C18orf32: variants seen among roughly 807,000 people sequenced by gnomAD.
C18orf32 encodes the protein chromosome 18 open reading frame 32, also known as UPF0729 protein C18orf32.
C18orf32 carries 5 observed loss-of-function variants against 7.4 expected under a neutral mutation model. That is an observed-to-expected ratio of 0.68 (90% CI 0.35 to 1.42). The LOEUF is 1.42. C18orf32 is among the 40% of genes most tolerant of loss of function. The pLI is 0.04. For missense variants in C18orf32, 88 were observed against 92.4 expected (o/e 0.95, Z 0.19); for synonymous variants, 30 against 29.3 (o/e 1.02, Z -0.08).
At chr18:49,483,514 A>G in intron 2 of C18orf32, 70 bp downstream of exon 2, 1 of 1,484,032 alleles carries the variant, frequency 6.7e-7, no homozygotes, top group Non-Finnish European at 8.9e-7. Context: ...TTGTCCTTCC[A>G]AAATCTAGTG....
At chr18:49,484,175 C>T (rs1379952021) in intron 1 of C18orf32, among the ~76,000 whole-genome samples, 10 of 137,490 alleles carry the variant, frequency 7.3e-5, no homozygotes, top group African/African-American at 2.5e-4. Flanking sequence ...TATACACACA[C>T]ACACACACAC....
Position 49,482,224 on chromosome 18 carries a change from A to AT in C18orf32, c.*120dup. On this transcript the variant is annotated 3_prime_UTR_variant, in exon 3 of 3. Transcript: ENST00000318240. The stretch of plus-strand genomic sequence containing the variant: ...ATATTTCCTGATTAGTATCAGGTAA[A>AT]TATCTAGACTCCTATCCTGAATTCC... 1.4e-6 allele frequency: 1 copy of AT among 739,986 alleles called. No homozygotes were observed. Among genetic ancestry groups the AT allele is most frequent in the Non-Finnish European group, 2.4e-6 (1 of 417,418 alleles). 45.8% of individuals were successfully genotyped at this position (739,986 alleles called of 1,614,324 possible).
In C18orf32 at chr18:49,478,932, T is replaced by C. The variant is rs1270542382; in HGVS notation, c.*3413A>G. The C allele has an allele frequency of 2.1e-5, 3 of 140,912 alleles. No individual in the cohort carries two copies. The highest frequency in any genetic ancestry group is 4.4e-5 in the Non-Finnish European group (3 of 67,948). The allele number at this position is 140,912 out of a possible 1,614,324, so 8.7% of individuals were successfully genotyped here. A position where few individuals can be genotyped will look rare whatever the true frequency, so the allele number is the denominator to read the frequency against. ...CATGTTCTTTTTCACTCTTCTGGTG[T>C]CAAACTGTCTTTTACGAAATACTGG... On this transcript the variant is annotated 3_prime_UTR_variant, in exon 3 of 3. Coordinates refer to ENST00000318240, the MANE Select transcript of C18orf32 (RefSeq NM_001035005.4).
rs1200839745 is a variant in C18orf32, at chr18:49,480,939, A to C, written c.*1406T>G. On this transcript the variant is annotated 3_prime_UTR_variant, in exon 3 of 3. Coordinates refer to ENST00000318240, the MANE Select transcript of C18orf32 (RefSeq NM_001035005.4). ...ACTGTTCAGGAAAAGACTACTGTCT[A>C]ACAAAAACAAACCATACAACAACAA... 2 of 140,292 alleles carry C rather than the reference A, an allele frequency of 1.4e-5. No individual in the cohort carries two copies. Among genetic ancestry groups the C allele is most frequent in the Admixed American group, 1.5e-4 (2 of 13,734 alleles). 8.7% of individuals were successfully genotyped at this position (140,292 alleles called of 1,614,324 possible).
chr18:49,486,955 G>A (rs755868474), intron 1 of C18orf32, 88 bp downstream of exon 1: 9 of 152,000 alleles, frequency 5.9e-5, no homozygotes, highest in African/African-American at 1.2e-4. Flanking sequence ...CAAGCTCCGA[G>A]GGCGCCGGTG....
chr18:49,487,077 G>A lies in C18orf32; in HGVS notation c.-58C>T, dbSNP rs966373499. ...GAAGGCAGGCACCGCGGAGGCCGGCGGGCCGCGACCGCCGAGGAGGGAGGA... is the reference window on the plus strand; with the variant it reads ...GAAGGCAGGCACCGCGGAGGCCGGCAGGCCGCGACCGCCGAGGAGGGAGGA... On this transcript the variant is annotated 5_prime_UTR_variant, in exon 1 of 3. Coordinates refer to ENST00000318240, the MANE Select transcript of C18orf32 (RefSeq NM_001035005.4). The A allele has an allele frequency of 2.6e-5, 4 of 153,404 alleles. No homozygotes were observed. The highest frequency in any genetic ancestry group is 9.6e-5 in the African/African-American group (4 of 41,462). The allele number at this position is 153,404 out of a possible 1,614,324, so 9.5% of individuals were successfully genotyped here.
chr18:49,478,283 T>A lies in C18orf32; in HGVS notation c.*4062A>T, dbSNP rs1342886751. On this transcript the variant is annotated 3_prime_UTR_variant, in exon 3 of 3. Transcript: ENST00000318240. ...TCCTGTTTTTCTTTTTCTTTTCTTT[T>A]GAGACAGTCTTGCTCTGTCACCTAG... 1.3e-5 allele frequency: 2 copies of A among 149,984 alleles called. No homozygotes were observed. Among genetic ancestry groups the A allele is most frequent in the Non-Finnish European group, 2.9e-5 (2 of 68,080 alleles). The allele number at this position is 149,984 out of a possible 1,614,324, so 9.3% of individuals were successfully genotyped here. A position where few individuals can be genotyped will look rare whatever the true frequency, so the allele number is the denominator to read the frequency against.
intron 2 of C18orf32, 108 bp downstream of exon 2, chr18:49,483,475 CA>C: frequency 7.4e-7 from 1 of 1,349,510 alleles, no homozygotes; most frequent in South Asian, 1.5e-5. Context: ...AAATGTTACA[CA>C]AACTATTGAA....
At position 49,480,058 on chromosome 18, in the gene C18orf32, C is replaced by T. The variant is rs2083648380; in HGVS notation, c.*2287G>A. The T allele has an allele frequency of 6.6e-6, 1 of 152,312 alleles. No individual in the cohort carries two copies. The highest frequency in any genetic ancestry group is 1.5e-5 in the Non-Finnish European group (1 of 68,126). The allele number at this position is 152,312 out of a possible 1,614,324, so 9.4% of individuals were successfully genotyped here. A position where few individuals can be genotyped will look rare whatever the true frequency, so the allele number is the denominator to read the frequency against. ...ATATAACAGTATAGCCAGGCAGTGG[C>T]TCATGCCTGTAATCCCGACACTTTG... On this transcript the variant is annotated 3_prime_UTR_variant, in exon 3 of 3. Coordinates refer to ENST00000318240, the MANE Select transcript of C18orf32 (RefSeq NM_001035005.4).
intron 1 of C18orf32, chr18:49,486,489 GTATCT>G (rs1204383895): frequency 2.0e-5 from 3 of 151,954 alleles, no homozygotes; most frequent in Non-Finnish European, 2.9e-5. Flanking sequence ...AAGCCTATTT[GTATCT>G]TATCTTTTAA....
Position 49,481,218 on chromosome 18 carries a change from C to T in C18orf32, c.*1127G>A, listed in dbSNP as rs533051649. 2 of 150,414 alleles carry T rather than the reference C, an allele frequency of 1.3e-5. No individual in the cohort carries two copies. Among genetic ancestry groups the T allele is most frequent in the Non-Finnish European group, 2.9e-5 (2 of 67,834 alleles). 9.3% of individuals were successfully genotyped at this position (150,414 alleles called of 1,614,324 possible). A position where few individuals can be genotyped will look rare whatever the true frequency, so the allele number is the denominator to read the frequency against. Reference sequence around the variant, plus strand: ...ATATCAAATAAAGCCCAAGGTAAATCAGTGACTTGACCAGCCACAGAACTT... The same window carrying T: ...ATATCAAATAAAGCCCAAGGTAAATTAGTGACTTGACCAGCCACAGAACTT... On this transcript the variant is annotated 3_prime_UTR_variant, in exon 3 of 3. Transcript: ENST00000318240.
chr18:49,484,150 ATATATATATATATAT>A (rs1568495853), intron 1 of C18orf32, among the ~76,000 whole-genome samples: 1,281 of 52,230 alleles, frequency 0.025, 35 homozygotes, highest in South Asian at 0.055. Context: ...AAAAAAAAAT[ATATATATATATATAT>A]ATACACACAC....
Position 49,479,927 on chromosome 18 carries a change from A to C in C18orf32, c.*2418T>G, listed in dbSNP as rs2083647068. On this transcript the variant is annotated 3_prime_UTR_variant, in exon 3 of 3. Transcript: ENST00000318240. ...GCTATGAACACTGATGATGTAAGCA[A>C]AATTTACAAAAGCACTTGGGAGGAT... 6.6e-6 allele frequency: 1 copy of C among 152,324 alleles called. No individual in the cohort carries two copies. Among genetic ancestry groups the C allele is most frequent in the Non-Finnish European group, 1.5e-5 (1 of 68,086 alleles). 9.4% of individuals were successfully genotyped at this position (152,324 alleles called of 1,614,324 possible).
At chr18:49,483,489 T>C (rs1305377441) in intron 2 of C18orf32, 95 bp downstream of exon 2, 1 of 1,407,436 alleles carries the variant, frequency 7.1e-7, no homozygotes, top group Non-Finnish European at 9.5e-7. Context: ...CTATTGAAGC[T>C]TCTGGTTCTA....
At chr18:49,486,797 G>C (rs757393523) in intron 1 of C18orf32, among the ~76,000 whole-genome samples, 6 of 152,170 alleles carry the variant, frequency 3.9e-5, no homozygotes, top group Non-Finnish European at 8.8e-5. Context: ...AGTGGAGACA[G>C]AGGGAGCGGG....
chr18:49,484,169 C>T (rs866757597), intron 1 of C18orf32, among the ~76,000 whole-genome samples: 2 of 114,132 alleles, frequency 1.8e-5, no homozygotes, highest in East Asian at 3.4e-4. Context: ...TATATATATA[C>T]ACACACACAC....
chr18:49,482,239 T>C lies in C18orf32; in HGVS notation c.*106A>G, dbSNP rs2083669718. 9 of 797,156 alleles carry C rather than the reference T, an allele frequency of 1.1e-5. No individual in the cohort carries two copies. The South Asian group carries it at 1.2e-4, about 10-fold the overall frequency. The allele number at this position is 797,156 out of a possible 1,614,324, so 49.4% of individuals were successfully genotyped here. Reference sequence around the variant, plus strand: ...TATCAGGTAAATATCTAGACTCCTATCCTGAATTCCGGTCTCAGATAAAAA... The same window carrying C: ...TATCAGGTAAATATCTAGACTCCTACCCTGAATTCCGGTCTCAGATAAAAA... On this transcript the variant is annotated 3_prime_UTR_variant, in exon 3 of 3. Transcript: ENST00000318240.
intron 2 of C18orf32, among the ~76,000 whole-genome samples, chr18:49,483,352 C>T (rs1370947682): frequency 6.6e-6 from 1 of 152,126 alleles, no homozygotes; most frequent in African/African-American, 2.4e-5. Context: ...ATAATCTCTC[C>T]TCATCCATTA....
At position 49,479,901 on chromosome 18, in the gene C18orf32, T is replaced by C. The variant is rs1274549099; in HGVS notation, c.*2444A>G. 1 of 152,536 alleles carries C rather than the reference T, an allele frequency of 6.6e-6. No individual in the cohort carries two copies. The highest frequency in any genetic ancestry group is 1.9e-4 in the East Asian group (1 of 5,210). The allele number at this position is 152,536 out of a possible 1,614,324, so 9.4% of individuals were successfully genotyped here. ...AAATGAAAGACACCTGGCACACTCA[T>C]GCTATGAACACTGATGATGTAAGCA... On this transcript the variant is annotated 3_prime_UTR_variant, in exon 3 of 3. Transcript: ENST00000318240.
Sources: allele counts gnomAD v4.1 joint callset (sites outside exome capture counted in the v4.1 genomes callset), GRCh38; gene constraint gnomAD v4.1.1; transcripts MANE v1.5; gene names NCBI Gene and HGNC (gene_info 2026-07-23, HGNC 2026-07-21).